Variants in GPM6A observed in about 807,000 individuals in gnomAD.
The protein encoded by GPM6A is glycoprotein M6A, also known as neuronal membrane glycoprotein M6-a.
GPM6A carries 7 observed loss-of-function variants against 32.1 expected under a neutral mutation model. The observed-to-expected ratio is 0.22, with a 90% CI of 0.12 to 0.41. GPM6A has a LOEUF of 0.41. Ranked by LOEUF, GPM6A falls within the 10% of genes least tolerant of loss-of-function variation. The pLI is 1.00. For missense variants in GPM6A, 235 were observed against 347.2 expected (o/e 0.68, Z 2.57); for synonymous variants, 130 against 123.4 (o/e 1.05, Z -0.35).
intron 1 of GPM6A, among the ~76,000 whole-genome samples, chr4:175,786,311 A>G (rs1369111757): frequency 2.1e-5 from 3 of 141,046 alleles, no homozygotes; most frequent in Non-Finnish European, 4.7e-5. Flanking sequence ...TTTTTTTTTG[A>G]AAAATGAATA....
intron 1 of GPM6A, among the ~76,000 whole-genome samples, chr4:175,979,903 C>A (rs1282497727): frequency 1.3e-5 from 2 of 152,120 alleles, no homozygotes; most frequent in African/African-American, 4.8e-5. Context: ...TACATCTACT[C>A]CTCTGCAGTC....
At chr4:175,887,668 A>T (rs1403039272) in intron 1 of GPM6A, among the ~76,000 whole-genome samples, 1 of 151,970 alleles carries the variant, frequency 6.6e-6, no homozygotes, top group Non-Finnish European at 1.5e-5. Context: ...CAAAGGAGGA[A>T]AGGTAAAGTA....
At chr4:175,645,448 G>C (rs6553891) in intron 4 of GPM6A, among the ~76,000 whole-genome samples, 107,744 of 151,960 alleles carry the variant, frequency 0.71, 40,940 homozygotes, top group Non-Finnish European at 0.85. Flanking sequence ...AGGCCGGGTG[G>C]GGTGGCTCAC....
chr4:175,953,071 G>A (rs899857693), intron 1 of GPM6A, among the ~76,000 whole-genome samples: 13 of 147,084 alleles, frequency 8.8e-5, no homozygotes, highest in Admixed American at 6.1e-4. Flanking sequence ...AAGAAAAACA[G>A]AAATCCCCTT....
In GPM6A at chr4:175,698,684, C is replaced by T. The variant is rs147368920; in HGVS notation, c.230+2891G>A. ...CAAATACTTTGTTAGCTCTGCAGGGCCTGTATAAGGAATTTTAGTAATGTG... is the reference window on the plus strand; with the variant it reads ...CAAATACTTTGTTAGCTCTGCAGGGTCTGTATAAGGAATTTTAGTAATGTG... On this transcript the variant is annotated intron_variant, in intron 2 of 6. Coordinates refer to ENST00000393658, the MANE Select transcript of GPM6A (RefSeq NM_201591.3). 1.5e-3 allele frequency among the ~76,000 whole-genome samples: 229 copies of T among 152,204 alleles called. 3 individuals are homozygous for T. Among genetic ancestry groups the T allele is most frequent in the African/African-American group, 5.3e-3 (220 of 41,520 alleles).
At chr4:175,856,914 T>G (rs1238890699) in intron 1 of GPM6A, among the ~76,000 whole-genome samples, 2 of 151,984 alleles carry the variant, frequency 1.3e-5, no homozygotes, top group Admixed American at 1.3e-4. Context: ...CCAGGGTTGT[T>G]TTGTAAAAGG....
At chr4:175,838,106 C>CACAG (rs1223138583) in intron 1 of GPM6A, among the ~76,000 whole-genome samples, 1 of 61,666 alleles carries the variant, frequency 1.6e-5, no homozygotes, top group Admixed American at 1.5e-4. Context: ...CACACACACA[C>CACAG]ACACAGACAC....
At chr4:175,823,715 G>A (rs985607004) in intron 1 of GPM6A, among the ~76,000 whole-genome samples, 3 of 152,080 alleles carry the variant, frequency 2.0e-5, no homozygotes, top group Non-Finnish European at 4.4e-5. Context: ...TTGCTTATAC[G>A]TTAAATTGCA....
At chr4:175,983,291 C>T (rs571107205) in intron 1 of GPM6A, among the ~76,000 whole-genome samples, 2 of 152,248 alleles carry the variant, frequency 1.3e-5, no homozygotes, top group South Asian at 4.1e-4. Context: ...TTAAACAATG[C>T]CTTAATTTCA....
intron 2 of GPM6A, among the ~76,000 whole-genome samples, chr4:175,689,493 A>G (rs1744176569): frequency 6.6e-6 from 1 of 151,584 alleles, no homozygotes; most frequent in African/African-American, 2.4e-5. Context: ...TTGTAGAAAT[A>G]TAAGTTCAAC....
At chr4:175,645,618 G>C (rs139438135) in intron 4 of GPM6A, among the ~76,000 whole-genome samples, 5,375 of 152,242 alleles carry the variant, frequency 0.035, 175 homozygotes, top group East Asian at 0.2. Flanking sequence ...CTCCTCGGGA[G>C]GCTGAGGCAG....
chr4:175,921,672 T>C (rs947442695), intron 1 of GPM6A, among the ~76,000 whole-genome samples: 1 of 152,212 alleles, frequency 6.6e-6, no homozygotes, highest in African/African-American at 2.4e-5. Context: ...TCCAGTTTTG[T>C]ATGCAAGAAT....
chr4:175,868,062 C>G (rs540993962), intron 1 of GPM6A, among the ~76,000 whole-genome samples: 2 of 152,180 alleles, frequency 1.3e-5, no homozygotes, highest in Non-Finnish European at 2.9e-5. Flanking sequence ...GTCCCCGTGA[C>G]TCGGTTTCTC....
At chr4:175,861,747 C>T (rs2016179) in intron 1 of GPM6A, among the ~76,000 whole-genome samples, 1 of 87,668 alleles carries the variant, frequency 1.1e-5, no homozygotes, top group East Asian at 4.3e-4. Flanking sequence ...GAAAGAGACT[C>T]TGAAAAAAAA....
upstream of GPM6A, among the ~76,000 whole-genome samples, chr4:175,816,115 C>G (rs889619310): frequency 3.3e-5 from 5 of 152,120 alleles, no homozygotes; most frequent in East Asian, 1.9e-4. Flanking sequence ...CACGGGAGCC[C>G]GGGAGGTTGA....
intron 1 of GPM6A, among the ~76,000 whole-genome samples, chr4:175,758,538 G>A (rs1444880947): frequency 6.6e-6 from 1 of 152,144 alleles, no homozygotes; most frequent in Non-Finnish European, 1.5e-5. Context: ...TGTTATTTAG[G>A]AGACACTGGC....
At chr4:175,771,673 T>G (rs1188747366) in intron 1 of GPM6A, among the ~76,000 whole-genome samples, 1 of 151,282 alleles carries the variant, frequency 6.6e-6, no homozygotes, top group Non-Finnish European at 1.5e-5. Context: ...AAAACAAAAG[T>G]AAAATGCCAA....
chr4:175,925,851 T>TTTC (rs1491557222), intron 1 of GPM6A, among the ~76,000 whole-genome samples: 2 of 105,188 alleles, frequency 1.9e-5, no homozygotes, highest in African/African-American at 7.7e-5. Context: ...TTTTCTTTTC[T>TTTC]TTTTTTTTTT....
upstream of GPM6A, chr4:176,002,380 G>T (rs1741514970): frequency 3.9e-6 from 6 of 1,558,056 alleles, no homozygotes; most frequent in Non-Finnish European, 5.2e-6. Context: ...GCGGGGCCAA[G>T]TTCTCCAAGC....
Sources: gnomAD v4.1 joint callset for allele counts (sites outside exome capture counted in the v4.1 genomes callset) on GRCh38, gnomAD v4.1.1 for gene constraint, MANE v1.5 for transcripts, NCBI Gene and HGNC (gene_info 2026-07-23, HGNC 2026-07-21) for gene names.